Variants in RHOA observed in about 807,000 individuals in gnomAD.
RHOA encodes the protein transforming protein RhoA.
In RHOA, 3 loss-of-function variants were observed where a neutral mutation model predicts 17.5. The observed-to-expected ratio is 0.17, with a 90% confidence interval of 0.08 to 0.44. RHOA has a LOEUF of 0.44. RHOA is among the 20% of genes least tolerant of loss of function. The probability of loss-of-function intolerance (pLI) is 0.99; values close to 1 mark genes in which losing one functional copy is unlikely to be tolerated. For missense variants in RHOA, 56 were observed against 242.3 expected (o/e 0.23, Z 5.10); for synonymous variants, 98 against 88.4 (o/e 1.11, Z -0.61).
intron 1 of RHOA, among the ~76,000 whole-genome samples, chr3:49,401,327 T>C (rs575728113): frequency 3.1e-4 from 47 of 152,036 alleles, no homozygotes; most frequent in African/African-American, 1.1e-3. Context: ...GAGACCAGTC[T>C]GGGCAATACA....
chr3:49,398,445 G>T (rs1342859734), intron 1 of RHOA, among the ~76,000 whole-genome samples: 2 of 151,962 alleles, frequency 1.3e-5, no homozygotes, highest in Non-Finnish European at 2.9e-5. Flanking sequence ...ATAAAAGGGG[G>T]TAATTACAGT....
At chr3:49,385,221 C>CTT (rs539105194) in intron 1 of RHOA, among the ~76,000 whole-genome samples, 9 of 140,554 alleles carry the variant, frequency 6.4e-5, no homozygotes, top group South Asian at 2.3e-4. Context: ...GCCCCCCTAC[C>CTT]TTTTTTTTTT....
At chr3:49,399,915 C>A (rs975005729) in intron 1 of RHOA, among the ~76,000 whole-genome samples, 4 of 152,006 alleles carry the variant, frequency 2.6e-5, no homozygotes, top group African/African-American at 7.2e-5. Context: ...ATCTTGGAAT[C>A]TGAACTCAAG....
chr3:49,395,855 G>A (rs1395403870), intron 1 of RHOA, among the ~76,000 whole-genome samples: 1 of 152,110 alleles, frequency 6.6e-6, no homozygotes, highest in East Asian at 1.9e-4. Context: ...GAGGTGGAAT[G>A]GGCACAATCT....
intron 3 of RHOA, 21 bp downstream of exon 3, chr3:49,368,407 T>TCAGGGTG: frequency 6.2e-7 from 1 of 1,603,134 alleles, no homozygotes; most frequent in South Asian, 1.1e-5. Context: ...GTGACAAATA[T>TCAGGGTG]CAGGGTGCAG....
At chr3:49,367,711 AG>A (rs1470300531) in intron 3 of RHOA, among the ~76,000 whole-genome samples, 1 of 151,704 alleles carries the variant, frequency 6.6e-6, no homozygotes, top group East Asian at 1.9e-4. Flanking sequence ...AGTAGAGACA[AG>A]GGGTTCACCA....
intron 1 of RHOA, among the ~76,000 whole-genome samples, chr3:49,392,465 G>T (rs1239595124): frequency 6.6e-5 from 10 of 151,970 alleles, no homozygotes; most frequent in African/African-American, 9.7e-5. Context: ...ACAAAAAACT[G>T]ATGTTTAAAT....
At chr3:49,368,587 TC>T in intron 2 of RHOA, 39 bp from the exon 3 acceptor site, 1 of 1,612,198 alleles carries the variant, frequency 6.2e-7, no homozygotes, top group Non-Finnish European at 8.5e-7. Flanking sequence ...GCAAGGTTAA[TC>T]CCCCCACCCA....
chr3:49,369,006 CTTTTTTTTTTTTTTTTTTTTTTTTT>C lies in RHOA; in HGVS notation c.157-483_157-459del, dbSNP rs1160140765. Among the ~76,000 whole-genome samples, 364 of 59,764 alleles carry C rather than the reference CTTTTTTTTTTTTTTTTTTTTTTTTT, an allele frequency of 6.1e-3. 15 individuals are homozygous for C. The highest frequency in any genetic ancestry group is 0.045 in the East Asian group (48 of 1,066). The allele number at this position is 59,764 out of a possible 152,430, so 39.2% of individuals were successfully genotyped here. On this transcript the variant is annotated intron_variant, in intron 2 of 4. Coordinates refer to ENST00000418115, the MANE Select transcript of RHOA (RefSeq NM_001664.4). ...GCAGGCGTGACCCACCGCGCCTGGC[CTTTTTTTTTTTTTTTTTTTTTTTTT>C]TTTTTTTTGTTGAGACGGAGTCTTA...
chr3:49,366,741 A>G (rs1575645328), intron 3 of RHOA: 1 of 152,232 alleles, frequency 6.6e-6, no homozygotes, highest in Non-Finnish European at 1.5e-5. Flanking sequence ...GCATGACCTT[A>G]AACAAGTGGC....
intron 1 of RHOA, among the ~76,000 whole-genome samples, chr3:49,394,263 C>T (rs548555305): frequency 2.6e-5 from 4 of 152,136 alleles, no homozygotes; most frequent in Non-Finnish European, 5.9e-5. Context: ...CTCAGCCTCC[C>T]GAAGTGCTAG....
Position 49,359,221 on chromosome 3 carries a change from GAA to G in RHOA, c.*986_*987del. 5.2e-6 allele frequency: 1 copy of G among 190,832 alleles called. No individual in the cohort carries two copies. The highest frequency in any genetic ancestry group is 1.1e-5 in the Non-Finnish European group (1 of 90,808). 11.8% of individuals were successfully genotyped at this position (190,832 alleles called of 1,614,324 possible). ...GAAAAAAAGTTTAGTCAGCTGGAGA[GAA>G]GAGAGACTGAGTGCCACCCATGAGA... is the stretch of plus-strand genomic sequence containing the variant. On this transcript the variant is annotated 3_prime_UTR_variant, in exon 5 of 5. Transcript: ENST00000418115.
chr3:49,367,354 AAAAAAAAAAAAAG>A (rs2048074558), intron 3 of RHOA, among the ~76,000 whole-genome samples: 1 of 148,344 alleles, frequency 6.7e-6, no homozygotes, highest in African/African-American at 2.5e-5. Context: ...AAAAAAAAAA[AAAAAAAAAAAAAG>A]AATACTGACT....
intron 3 of RHOA, among the ~76,000 whole-genome samples, chr3:49,366,363 G>C (rs539277682): frequency 1.3e-5 from 2 of 152,302 alleles, no homozygotes; most frequent in South Asian, 4.1e-4. Context: ...AGCACTTTGG[G>C]AGGCCAAGGT....
intron 1 of RHOA, among the ~76,000 whole-genome samples, chr3:49,408,142 G>A (rs1431781775): frequency 6.8e-6 from 1 of 146,474 alleles, no homozygotes; most frequent in Non-Finnish European, 1.5e-5. Flanking sequence ...CCGGACGACA[G>A]AGTGAGACTC....
At chr3:49,404,314 G>GT (rs66691389) in intron 1 of RHOA, among the ~76,000 whole-genome samples, 1 of 372 alleles carries the variant, frequency 2.7e-3, no homozygotes, top group African/African-American at 3.0e-3. Context: ...CCAAAAAAAA[G>GT]CCAGGCGCAG....
In RHOA at chr3:49,367,742, A is replaced by T. The variant is rs141819412; in HGVS notation, c.277+686T>A. Among the ~76,000 whole-genome samples, 296 of 151,758 alleles carry T rather than the reference A, an allele frequency of 2.0e-3. 2 individuals carry two copies. The highest frequency in any genetic ancestry group is 6.8e-3 in the African/African-American group (282 of 41,412). ...TCACCATGTTGCCTAGGCTGGTCTC[A>T]AACTCCTGACCTCAGGTGATCTGCC... On this transcript the variant is annotated intron_variant, in intron 3 of 4. Transcript: ENST00000418115.
At chr3:49,396,210 G>T (rs921911886) in intron 1 of RHOA, among the ~76,000 whole-genome samples, 1 of 152,166 alleles carries the variant, frequency 6.6e-6, no homozygotes, top group African/African-American at 2.4e-5. Flanking sequence ...ATAGCCACAG[G>T]CAAGAGTAGA....
intron 1 of RHOA, among the ~76,000 whole-genome samples, chr3:49,392,054 C>G (rs1007988297): frequency 6.6e-6 from 1 of 151,860 alleles, no homozygotes; most frequent in Non-Finnish European, 1.5e-5. Flanking sequence ...TCTCGAACTC[C>G]TATCTCAAGT....
Sources: gnomAD v4.1 joint callset for allele counts (sites outside exome capture counted in the v4.1 genomes callset) on GRCh38, gnomAD v4.1.1 for gene constraint, MANE v1.5 for transcripts, NCBI Gene and HGNC (gene_info 2026-07-23, HGNC 2026-07-21) for gene names.